FHIT: variants seen among roughly 807,000 people sequenced by gnomAD.
The protein encoded by FHIT is fragile histidine triad diadenosine triphosphatase.
In FHIT, 19 loss-of-function variants were observed where a neutral mutation model predicts 17.9. The observed-to-expected ratio is 1.06, with a 90% CI of 0.74 to 1.56. The LOEUF (loss-of-function observed/expected upper bound fraction) is 1.56. Among genes scored for constraint, FHIT ranks in the 40% most tolerant of loss-of-function variants. The pLI is 0.00. For missense variants in FHIT, 248 were observed against 189.2 expected, an observed-to-expected ratio of 1.31 and a Z score of -1.82; for synonymous variants, 81 against 69.7, an observed-to-expected ratio of 1.16 and a Z score of -0.81.
chr3:60,014,328 C>T (rs950991282), intron 5 of FHIT, among the ~76,000 whole-genome samples, 176 bp from the exon 6 acceptor site: 1 of 152,180 alleles, frequency 6.6e-6, no homozygotes, highest in African/African-American at 2.4e-5. Context: ...AGAGAGCTCC[C>T]ATACATGGAT....
At chr3:61,060,866 T>C (rs1429370606) in intron 2 of FHIT, among the ~76,000 whole-genome samples, 2 of 152,228 alleles carry the variant, frequency 1.3e-5, no homozygotes, top group Admixed American at 1.3e-4. Context: ...CCTGCAGCAC[T>C]CAGTTCCTTA....
At chr3:60,018,352 C>A (rs140260100) in intron 5 of FHIT, among the ~76,000 whole-genome samples, 1 of 152,164 alleles carries the variant, frequency 6.6e-6, no homozygotes, top group Non-Finnish European at 1.5e-5. Flanking sequence ...CCGCCAACAT[C>A]AGGGATCAAA....
intron 4 of FHIT, among the ~76,000 whole-genome samples, chr3:60,666,279 G>T (rs1553692415): frequency 1.3e-5 from 2 of 151,978 alleles, no homozygotes; most frequent in African/African-American, 2.4e-5. Flanking sequence ...TTAAGAGTAG[G>T]TCTGCTAGCA....
intron 5 of FHIT, among the ~76,000 whole-genome samples, chr3:60,131,534 CTG>C (rs1216439641): frequency 6.6e-6 from 1 of 152,132 alleles, no homozygotes; most frequent in African/African-American, 2.4e-5. Flanking sequence ...TGCCTATGCT[CTG>C]TGTCCTTTAT....
chr3:59,986,002 A>G (rs1158080555), intron 7 of FHIT, among the ~76,000 whole-genome samples: 2 of 152,070 alleles, frequency 1.3e-5, no homozygotes, highest in Non-Finnish European at 2.9e-5. Flanking sequence ...GGGGGAAGGA[A>G]TGAGAGGAAG....
At chr3:60,488,850 T>C (rs1028431787) in intron 5 of FHIT, among the ~76,000 whole-genome samples, 1 of 152,336 alleles carries the variant, frequency 6.6e-6, no homozygotes, top group Admixed American at 6.5e-5. Flanking sequence ...AGATAAAAAC[T>C]TGGTGTTAAG....
intron 8 of FHIT, among the ~76,000 whole-genome samples, chr3:59,765,610 A>G (rs1332632039): frequency 6.6e-6 from 1 of 152,188 alleles, no homozygotes; most frequent in African/African-American, 2.4e-5. Flanking sequence ...GCTAAAGAGG[A>G]TATGGACTCC....
At chr3:61,006,324 C>T (rs1575827060) in intron 3 of FHIT, among the ~76,000 whole-genome samples, 1 of 152,120 alleles carries the variant, frequency 6.6e-6, no homozygotes, top group Admixed American at 6.6e-5. Context: ...TTCCTTTTAT[C>T]ATTTGAACGC....
rs866331797 is a variant in FHIT, at chr3:60,245,972, T to C, written c.104-231820A>G. ...AATGAATAATTGTAAAATCAAAAGA[T>C]ATAAAAAAAATTTTCTTAAATTTGC... is the stretch of plus-strand genomic sequence containing the variant. On this transcript the variant is annotated intron_variant, in intron 5 of 9. Transcript: ENST00000492590. Among the ~76,000 whole-genome samples, 4 of 152,208 alleles carry C rather than the reference T, an allele frequency of 2.6e-5. No individual in the cohort carries two copies. The South Asian group carries it at 8.3e-4, about 32-fold the overall frequency.
intron 5 of FHIT, among the ~76,000 whole-genome samples, chr3:60,134,210 G>T (rs1001662591): frequency 1.3e-5 from 2 of 152,184 alleles, no homozygotes; most frequent in East Asian, 3.8e-4. Flanking sequence ...TTGGGCCAAG[G>T]TGGAGATAGG....
At chr3:59,942,922 T>C in intron 7 of FHIT, among the ~76,000 whole-genome samples, 1 of 152,078 alleles carries the variant, frequency 6.6e-6, no homozygotes, top group East Asian at 1.9e-4. Flanking sequence ...GTGCTGGGAT[T>C]ACAAGCATGA....
intron 5 of FHIT, among the ~76,000 whole-genome samples, chr3:60,198,127 G>C (rs887619112): frequency 6.4e-5 from 6 of 93,270 alleles, no homozygotes; most frequent in African/African-American, 2.4e-4. Flanking sequence ...TTCAAATAAA[G>C]TTTAGATGAG....
intron 4 of FHIT, among the ~76,000 whole-genome samples, chr3:60,620,170 G>C (rs1452333833): frequency 6.6e-6 from 1 of 152,228 alleles, no homozygotes; most frequent in Non-Finnish European, 1.5e-5. Flanking sequence ...GTGAGGATGT[G>C]GGGCAACAGA....
At chr3:60,204,938 C>A (rs1266289722) in intron 5 of FHIT, among the ~76,000 whole-genome samples, 1 of 151,446 alleles carries the variant, frequency 6.6e-6, no homozygotes, top group Non-Finnish European at 1.5e-5. Flanking sequence ...CCAAAAAAAA[C>A]AAAAAAATCT....
At chr3:60,409,733 G>C (rs1198110153) in intron 5 of FHIT, among the ~76,000 whole-genome samples, 2 of 152,142 alleles carry the variant, frequency 1.3e-5, no homozygotes, top group South Asian at 4.1e-4. Flanking sequence ...AATCAAGAAA[G>C]GGACAGATTA....
At chr3:60,521,197 C>T (rs1048468466) in intron 5 of FHIT, among the ~76,000 whole-genome samples, 19 of 152,004 alleles carry the variant, frequency 1.2e-4, no homozygotes, top group African/African-American at 4.6e-4. Context: ...AAGACCCATG[C>T]TCTTGATCAA....
At chr3:60,234,374 ATAAT>A (rs1396728801) in intron 5 of FHIT, among the ~76,000 whole-genome samples, 1 of 152,232 alleles carries the variant, frequency 6.6e-6, no homozygotes, top group African/African-American at 2.4e-5. Flanking sequence ...CAATTAATGA[ATAAT>A]TAATACCTGT....
chr3:60,775,321 G>T (rs1247101896), intron 4 of FHIT, among the ~76,000 whole-genome samples: 4 of 152,130 alleles, frequency 2.6e-5, no homozygotes, highest in African/African-American at 9.7e-5. Flanking sequence ...GTGAGGAGGG[G>T]TCCCCAGAAG....
intron 8 of FHIT, among the ~76,000 whole-genome samples, chr3:59,889,783 C>A (rs1453433401): frequency 2.6e-5 from 4 of 152,172 alleles, no homozygotes; most frequent in Admixed American, 1.3e-4. Context: ...GGTTCATAAG[C>A]ACACACATAA....
Sources: allele counts gnomAD v4.1 joint callset (sites outside exome capture counted in the v4.1 genomes callset), GRCh38; gene constraint gnomAD v4.1.1; transcripts MANE v1.5; gene names NCBI Gene and HGNC (gene_info 2026-07-23, HGNC 2026-07-21).